EXOC6B: variants seen among roughly 807,000 people sequenced by gnomAD.
EXOC6B encodes the protein SEC15 homolog B.
In EXOC6B, 54 loss-of-function variants were observed where a neutral mutation model predicts 113.5. That is an observed-to-expected ratio of 0.48 (90% CI 0.38 to 0.60). The LOEUF (loss-of-function observed/expected upper bound fraction) is 0.60, where lower values mean the gene tolerates loss of function less well. Among genes scored for constraint, EXOC6B ranks in the 20% least tolerant of loss-of-function variants. EXOC6B has a pLI of 0.00. For synonymous variants in EXOC6B, 357 were observed against 339.0 expected (o/e 1.05, Z -0.58); for missense variants, 797 against 977.5 (o/e 0.82, Z 2.46).
intron 8 of EXOC6B, among the ~76,000 whole-genome samples, chr2:72,542,750 T>A (rs962637589): frequency 1.3e-5 from 2 of 152,250 alleles, no homozygotes; most frequent in African/African-American, 4.8e-5. Context: ...AGGCTCTGGC[T>A]GTAGTTATTT....
At chr2:72,530,767 A>G (rs1415724299) in intron 8 of EXOC6B, among the ~76,000 whole-genome samples, 5 of 152,080 alleles carry the variant, frequency 3.3e-5, no homozygotes, top group Non-Finnish European at 7.4e-5. Flanking sequence ...TTGGGGCATA[A>G]TCATTATCAT....
At chr2:72,693,408 G>A (rs1573634211) in intron 6 of EXOC6B, among the ~76,000 whole-genome samples, 3 of 152,004 alleles carry the variant, frequency 2.0e-5, no homozygotes, top group Admixed American at 2.0e-4. Context: ...AGCATGTTCT[G>A]AATAATAAAA....
At chr2:72,449,322 A>G (rs2105355850) in intron 18 of EXOC6B, among the ~76,000 whole-genome samples, 1 of 152,078 alleles carries the variant, frequency 6.6e-6, no homozygotes, top group South Asian at 2.1e-4. Flanking sequence ...AGCTGGGACT[A>G]CAGACGCCCA....
At chr2:72,220,317 C>G (rs1427004884) in intron 20 of EXOC6B, among the ~76,000 whole-genome samples, 1 of 152,090 alleles carries the variant, frequency 6.6e-6, no homozygotes, top group Non-Finnish European at 1.5e-5. Flanking sequence ...GCCCCTCCCC[C>G]AGTTGAGCCC....
chr2:72,463,734 A>G, intron 18 of EXOC6B: 1 of 152,206 alleles, frequency 6.6e-6, no homozygotes, highest in Non-Finnish European at 1.5e-5. Flanking sequence ...GTTTCAGAGA[A>G]AAAGACTCAC....
At chr2:72,316,943 G>C (rs919630458) in intron 20 of EXOC6B, among the ~76,000 whole-genome samples, 3 of 152,208 alleles carry the variant, frequency 2.0e-5, no homozygotes, top group African/African-American at 7.2e-5. Context: ...TCTGTGATAG[G>C]CAGAGGCAGC....
At chr2:72,475,578 A>G (rs1361284807) in intron 17 of EXOC6B, among the ~76,000 whole-genome samples, 2 of 152,062 alleles carry the variant, frequency 1.3e-5, no homozygotes, top group Non-Finnish European at 1.5e-5. Flanking sequence ...GGGGGGTGGC[A>G]GGTCAAAGCT....
At position 72,335,135 on chromosome 2, in the gene EXOC6B, A is replaced by G. The variant is rs1470923222; in HGVS notation, c.2123-115T>C. 8 of 877,598 alleles carry G rather than the reference A, an allele frequency of 9.1e-6. No individual in the cohort carries two copies. The African/African-American group carries it at 1.2e-4, about 13-fold the overall frequency. The allele number at this position is 877,598 out of a possible 1,614,324, so 54.4% of individuals were successfully genotyped here. A position where few individuals can be genotyped will look rare whatever the true frequency, so the allele number is the denominator to read the frequency against. The stretch of plus-strand genomic sequence containing the variant: ...TGGGGGAGAGGAGGACCAAGCTTCT[A>G]AGGAGTCATGTCTCTCTCCCTTCAG... On this transcript the variant is annotated intron_variant, in intron 19 of 21. Transcript: ENST00000272427.
intron 18 of EXOC6B, among the ~76,000 whole-genome samples, chr2:72,405,136 G>A (rs1295160528): frequency 2.0e-5 from 3 of 151,510 alleles, no homozygotes; most frequent in Non-Finnish European, 4.4e-5. Flanking sequence ...ATGAAATGAA[G>A]TGAGAAGTTT....
chr2:72,476,903 C>T (rs2105472132), intron 17 of EXOC6B, among the ~76,000 whole-genome samples: 1 of 152,272 alleles, frequency 6.6e-6, no homozygotes, highest in Middle Eastern at 3.4e-3. Flanking sequence ...CCTTCACTCC[C>T]TCTATATCCA....
At chr2:72,631,453 T>G (rs866251507) in intron 6 of EXOC6B, among the ~76,000 whole-genome samples, 7 of 33,944 alleles carry the variant, frequency 2.1e-4, no homozygotes, top group Admixed American at 3.8e-4. Context: ...TATATATATA[T>G]ATATATATAG....
intron 18 of EXOC6B, among the ~76,000 whole-genome samples, chr2:72,380,994 G>A (rs1336160025): frequency 6.6e-6 from 1 of 152,060 alleles, no homozygotes; most frequent in Non-Finnish European, 1.5e-5. Flanking sequence ...AGAATCATCA[G>A]ATAAATACTT....
intron 18 of EXOC6B, among the ~76,000 whole-genome samples, chr2:72,398,814 A>G (rs1338764145): frequency 6.6e-6 from 1 of 152,060 alleles, no homozygotes; most frequent in Non-Finnish European, 1.5e-5. Flanking sequence ...GAAAGAGAGA[A>G]TAAGCAAGTC....
At chr2:72,764,166 G>A (rs1394251804) in intron 1 of EXOC6B, among the ~76,000 whole-genome samples, 1 of 151,676 alleles carries the variant, frequency 6.6e-6, no homozygotes, top group Non-Finnish European at 1.5e-5. Context: ...TACTATAATT[G>A]ATCAAAAATT....
At chr2:72,352,775 C>T (rs1425234597) in intron 19 of EXOC6B, among the ~76,000 whole-genome samples, 1 of 148,002 alleles carries the variant, frequency 6.8e-6, no homozygotes, top group East Asian at 2.0e-4. Flanking sequence ...TACATAAAGG[C>T]AGTAGATGGA....
At chr2:72,687,422 C>T (rs914230667) in intron 6 of EXOC6B, among the ~76,000 whole-genome samples, 1 of 152,070 alleles carries the variant, frequency 6.6e-6, no homozygotes, top group Admixed American at 6.6e-5. Flanking sequence ...CAAACACATG[C>T]ACTAAGCTCA....
At chr2:72,545,260 T>C (rs1340950463) in intron 8 of EXOC6B, among the ~76,000 whole-genome samples, 1 of 152,136 alleles carries the variant, frequency 6.6e-6, no homozygotes, top group East Asian at 1.9e-4. Context: ...AAAAATGATA[T>C]GAGGCTGATG....
intron 1 of EXOC6B, among the ~76,000 whole-genome samples, chr2:72,778,470 T>G (rs1683833468): frequency 6.6e-6 from 1 of 152,198 alleles, no homozygotes; most frequent in Admixed American, 6.5e-5. Context: ...ATACTGCTCC[T>G]TCTAGAATAA....
At chr2:72,572,245 C>T (rs1441230867) in intron 7 of EXOC6B, among the ~76,000 whole-genome samples, 1 of 152,132 alleles carries the variant, frequency 6.6e-6, no homozygotes, top group Non-Finnish European at 1.5e-5. Context: ...CAAGTGTGCT[C>T]CAGGGACCAG....
Sources: allele counts gnomAD v4.1 joint callset (sites outside exome capture counted in the v4.1 genomes callset), GRCh38; gene constraint gnomAD v4.1.1; transcripts MANE v1.5; gene names NCBI Gene and HGNC (gene_info 2026-07-23, HGNC 2026-07-21).